SEMA6D: variants seen among roughly 807,000 people sequenced by gnomAD.
The protein encoded by SEMA6D is semaphorin 6D.
Under a neutral mutation model 106.6 loss-of-function variants are expected in SEMA6D, and 35 were observed. That is an observed-to-expected ratio of 0.33 (90% CI 0.25 to 0.44). The LOEUF (loss-of-function observed/expected upper bound fraction) is 0.44. Ranked by LOEUF, SEMA6D falls within the 20% of genes least tolerant of loss-of-function variation. SEMA6D has a pLI of 1.00. For synonymous variants in SEMA6D, 499 were observed against 487.7 expected (o/e 1.02, Z -0.31); for missense variants, 1,185 against 1,345.9 (o/e 0.88, Z 1.87).
chr15:47,704,978 T>C (rs775019631), intron 4 of SEMA6D, among the ~76,000 whole-genome samples: 55 of 152,320 alleles, frequency 3.6e-4, no homozygotes, highest in Non-Finnish European at 2.2e-4. Flanking sequence ...TCTATAATAG[T>C]AAAAATACAT....
intron 1 of SEMA6D, among the ~76,000 whole-genome samples, chr15:47,321,616 TG>T (rs1390454042): frequency 6.6e-6 from 1 of 152,210 alleles, no homozygotes; most frequent in East Asian, 1.9e-4. Flanking sequence ...AATATACATT[TG>T]AAGAAGTGTT....
intron 1 of SEMA6D, chr15:47,380,654 C>T (rs535360881): frequency 3.3e-5 from 5 of 152,140 alleles, no homozygotes; most frequent in Non-Finnish European, 5.9e-5. Flanking sequence ...ACTGCTAGAA[C>T]GTAGACAACT....
chr15:47,640,649 A>G (rs2077472050), intron 4 of SEMA6D, among the ~76,000 whole-genome samples: 1 of 152,124 alleles, frequency 6.6e-6, no homozygotes, highest in Non-Finnish European at 1.5e-5. Context: ...GATGTATTGG[A>G]GGTATTGCTT....
chr15:47,579,076 G>A (rs376091584), intron 3 of SEMA6D, among the ~76,000 whole-genome samples: 3 of 152,130 alleles, frequency 2.0e-5, no homozygotes, highest in Non-Finnish European at 4.4e-5. Context: ...AAGCCCCTGG[G>A]TACTTGGGCC....
intron 1 of SEMA6D, among the ~76,000 whole-genome samples, chr15:47,210,088 CCCTTTAA>C (rs1248632917): frequency 6.6e-6 from 1 of 152,164 alleles, no homozygotes; most frequent in East Asian, 1.9e-4. Flanking sequence ...CAATGACCTA[CCCTTTAA>C]GTTTCAAACT....
At chr15:47,210,455 A>G (rs367931206) in intron 1 of SEMA6D, among the ~76,000 whole-genome samples, 1 of 148,600 alleles carries the variant, frequency 6.7e-6, no homozygotes, top group African/African-American at 2.5e-5. Context: ...GAATTGCTCT[A>G]TTTTTTTTTT....
intron 1 of SEMA6D, among the ~76,000 whole-genome samples, chr15:47,292,434 A>G (rs775726651): frequency 1.1e-4 from 16 of 152,236 alleles, no homozygotes; most frequent in Non-Finnish European, 2.1e-4. Flanking sequence ...AAAAAAAATC[A>G]AATGAGTTTT....
intron 3 of SEMA6D, among the ~76,000 whole-genome samples, chr15:47,575,891 A>AG (rs1387293163): frequency 1.3e-5 from 2 of 152,210 alleles, no homozygotes; most frequent in Non-Finnish European, 2.9e-5. Flanking sequence ...CACATGTAGT[A>AG]GGTGCTCTGT....
intron 1 of SEMA6D, among the ~76,000 whole-genome samples, chr15:47,288,559 C>T (rs911314123): frequency 7.2e-5 from 11 of 152,140 alleles, no homozygotes; most frequent in African/African-American, 2.4e-4. Flanking sequence ...GTCTGGTTAT[C>T]CCTCCACAGA....
intron 2 of SEMA6D, among the ~76,000 whole-genome samples, chr15:47,456,253 C>T (rs1431615579): frequency 6.6e-6 from 1 of 151,924 alleles, no homozygotes; most frequent in Non-Finnish European, 1.5e-5. Flanking sequence ...GGAGTCCATA[C>T]ACCTCCATGG....
At chr15:47,671,395 G>A (rs1377796656) in intron 4 of SEMA6D, among the ~76,000 whole-genome samples, 1 of 152,126 alleles carries the variant, frequency 6.6e-6, no homozygotes, top group African/African-American at 2.4e-5. Context: ...AAAGACCTAC[G>A]AGAATCAACA....
intron 4 of SEMA6D, among the ~76,000 whole-genome samples, chr15:47,645,826 G>C (rs2077572653): frequency 6.6e-6 from 1 of 152,154 alleles, no homozygotes; most frequent in Non-Finnish European, 1.5e-5. Context: ...TGCTACAGCA[G>C]TTCACAGAAA....
At chr15:47,352,321 A>C (rs183967610) in intron 1 of SEMA6D, among the ~76,000 whole-genome samples, 119 of 152,332 alleles carry the variant, frequency 7.8e-4, no homozygotes, top group Admixed American at 2.0e-3. Flanking sequence ...TCAATATTAA[A>C]GTAGGAGAAG....
chr15:47,644,811 A>G (rs2077551398), intron 4 of SEMA6D, among the ~76,000 whole-genome samples: 1 of 152,202 alleles, frequency 6.6e-6, no homozygotes, highest in Non-Finnish European at 1.5e-5. Context: ...CACATCAAAT[A>G]GTTTATACTG....
Position 47,773,634 on chromosome 15 carries a change from A to C in SEMA6D, c.*1849A>C, listed in dbSNP as rs965319973. 7 of 152,522 alleles carry C rather than the reference A, an allele frequency of 4.6e-5. No homozygotes were observed. Among genetic ancestry groups the C allele is most frequent in the African/African-American group, 1.4e-4 (6 of 41,464 alleles). The allele number at this position is 152,522 out of a possible 1,614,324, so 9.4% of individuals were successfully genotyped here. A position where few individuals can be genotyped will look rare whatever the true frequency, so the allele number is the denominator to read the frequency against. On this transcript the variant is annotated 3_prime_UTR_variant, in exon 19 of 19. Coordinates refer to ENST00000536845, the MANE Select transcript of SEMA6D (RefSeq NM_001358351.3). ...TTTTTATACAGAATGTGAAATACTGATACAGTTATTCTTTTTTTTAAAGAA... is the reference window on the plus strand; with the variant it reads ...TTTTTATACAGAATGTGAAATACTGCTACAGTTATTCTTTTTTTTAAAGAA...
chr15:47,507,337 A>G (rs1004133809), intron 3 of SEMA6D, among the ~76,000 whole-genome samples: 2 of 139,248 alleles, frequency 1.4e-5, no homozygotes, highest in Non-Finnish European at 1.5e-5. Flanking sequence ...CTCAAGTGGG[A>G]CACCCCCCCC....
chr15:47,728,775 C>T (rs1260233624), intron 1 of SEMA6D, among the ~76,000 whole-genome samples: 1 of 152,148 alleles, frequency 6.6e-6, no homozygotes, highest in Admixed American at 6.5e-5. Context: ...ACACGTGACC[C>T]TTTTCCTCCA....
intron 1 of SEMA6D, among the ~76,000 whole-genome samples, chr15:47,328,217 A>G (rs915181710): frequency 1.3e-5 from 2 of 152,212 alleles, no homozygotes; most frequent in Non-Finnish European, 2.9e-5. Flanking sequence ...GGCAGGAAAC[A>G]TAATATTTCT....
intron 3 of SEMA6D, among the ~76,000 whole-genome samples, chr15:47,585,185 C>G (rs2076315661): frequency 6.6e-6 from 1 of 152,188 alleles, no homozygotes; most frequent in Admixed American, 6.5e-5. Context: ...TTGTAACAAA[C>G]CCTGCACAAA....
Sources: allele counts gnomAD v4.1 joint callset (sites outside exome capture counted in the v4.1 genomes callset), GRCh38; gene constraint gnomAD v4.1.1; transcripts MANE v1.5; gene names NCBI Gene and HGNC (gene_info 2026-07-23, HGNC 2026-07-21).